Variants in CEP43 observed in about 807,000 individuals in gnomAD.
CEP43 encodes the protein FGFR1 oncogene partner.
CEP43 carries 36 observed loss-of-function variants against 52.6 expected under a neutral mutation model. That is an observed-to-expected ratio of 0.68 (90% confidence interval 0.52 to 0.90). The LOEUF is 0.90. Ranked by LOEUF, CEP43 falls within the 40% of genes least tolerant of loss-of-function variation. The pLI is 0.00. For missense variants in CEP43, 506 were observed against 472.8 expected (o/e 1.07, Z -0.65); for synonymous variants, 192 against 172.4 (o/e 1.11, Z -0.89).
In CEP43 at chr6:167,000,108, G is replaced by A. The variant is rs1779699055; in HGVS notation, c.151G>A (p.Val51Ile). The change falls in exon 2 of 13, where the codon GTA becomes ATA. Residue 51 changes from valine to isoleucine, a missense_variant. Coordinates refer to ENST00000366847, the MANE Select transcript of CEP43 (RefSeq NM_007045.4). ...VFLALEEQEK[V>I]ENKTPLVNES... Reference sequence around the variant, plus strand: ...TTTAGCACTAGAGGAGCAAGAAAAAGTAGAGGTATGAAGTTTCCAGATTTT... The same window carrying A: ...TTTAGCACTAGAGGAGCAAGAAAAAATAGAGGTATGAAGTTTCCAGATTTT... 1.2e-6 allele frequency: 2 copies of A among 1,611,268 alleles called. No homozygotes were observed. The highest frequency in any genetic ancestry group is 1.3e-5 in the African/African-American group (1 of 74,820).
intron 3 of CEP43, chr6:167,003,481 A>T: frequency 1.9e-6 from 1 of 513,986 alleles, no homozygotes; most frequent in Non-Finnish European, 3.4e-6. Context: ...ACCATTAAAA[A>T]GCGAAACACT....
intron 10 of CEP43, chr6:167,027,822 TA>T: frequency 1.0e-6 from 1 of 973,128 alleles, no homozygotes; most frequent in Non-Finnish European, 1.2e-6. Context: ...AGGTGCCTAG[TA>T]AATGTTAGTT....
intron 1 of CEP43, 106 bp downstream of exon 1, chr6:166,999,620 G>A (rs1277302055): frequency 2.5e-6 from 2 of 811,206 alleles, no homozygotes; most frequent in Non-Finnish European, 3.5e-6. Flanking sequence ...GCGAGGGACC[G>A]GGGCCGGCGG....
At chr6:167,016,711 C>A (rs949465380) in intron 7 of CEP43, among the ~76,000 whole-genome samples, 2 of 152,184 alleles carry the variant, frequency 1.3e-5, no homozygotes, top group African/African-American at 4.8e-5. Context: ...CTCACACCAT[C>A]CTGAATGAAT....
chr6:167,042,399 A>G lies in CEP43; in HGVS notation c.*2421A>G, dbSNP rs1231891578. ...TGATAACTACAAATGAATAAAAAGC[A>G]TTTATTCTCTTTGTTGATATTCGGT... On this transcript the variant is annotated 3_prime_UTR_variant, in exon 13 of 13. Transcript: ENST00000366847. 5 of 966,464 alleles carry G rather than the reference A, an allele frequency of 5.2e-6. No individual in the cohort carries two copies. Among genetic ancestry groups the G allele is most frequent in the Non-Finnish European group, 5.0e-6 (4 of 808,002 alleles). 59.9% of individuals were successfully genotyped at this position (966,464 alleles called of 1,614,324 possible).
chr6:167,039,014 T>C (rs1216618075), intron 12 of CEP43, among the ~76,000 whole-genome samples: 6 of 152,222 alleles, frequency 3.9e-5, no homozygotes, highest in Non-Finnish European at 1.5e-5. Flanking sequence ...TGCATCCTCA[T>C]AACTTAGCTC....
chr6:167,029,845 G>A (rs1394926242), intron 10 of CEP43, among the ~76,000 whole-genome samples: 1 of 152,208 alleles, frequency 6.6e-6, no homozygotes, highest in Non-Finnish European at 1.5e-5. Context: ...GATAGGTGGT[G>A]GAGTTAAGAG....
chr6:166,999,994 A>C lies in CEP43; in HGVS notation c.103-66A>C, dbSNP rs78127493. 4.2e-3 allele frequency: 5,877 copies of C among 1,393,396 alleles called. 176 individuals are homozygous for C. In the African/African-American group the frequency reaches 0.07, roughly 17 times the overall value. 86.3% of individuals were successfully genotyped at this position (1,393,396 alleles called of 1,614,324 possible). On this transcript the variant is annotated intron_variant, in intron 1 of 12. Transcript: ENST00000366847. ...GGCTTGCTCGTGTTTGTTGCTGGAT[A>C]AATGTGAGCTTGTTGTGAAAATTGT...
Position 167,000,051 on chromosome 6 carries a change from T to A in CEP43, c.103-9T>A, listed in dbSNP as rs12212247. ...ATTATAATTTCCTGTTTCTTAACTT[T>A]TTTTTAAGGCTGAACTCCGAGCAGC... is the stretch of plus-strand genomic sequence containing the variant. On this transcript the variant is annotated splice_polypyrimidine_tract_variant and intron_variant, in intron 1 of 12. Transcript: ENST00000366847. The A allele has an allele frequency of 6.2e-7, 1 of 1,606,710 alleles. No homozygotes were observed. Among genetic ancestry groups the A allele is most frequent in the Non-Finnish European group, 8.5e-7 (1 of 1,174,364 alleles).
chr6:166,999,750 C>T (rs1051811540), intron 1 of CEP43: 3 of 514,790 alleles, frequency 5.8e-6, no homozygotes, highest in African/African-American at 2.0e-5. Flanking sequence ...CCATCCCCTG[C>T]CTCATTCCGT....
chr6:167,004,321 G>C lies in CEP43; in HGVS notation c.358G>C (p.Glu120Gln). ...LARDLGIIEA[E>Q]GTVGGPLLLE... ...CCGAGATTTAGGTATAATTGAAGCA[G>C]AAGGTACTGTGGGTGGACCCTTATT... Residue 120 changes from glutamate (E) to glutamine (Q), a missense_variant, in exon 5 of 13, where the codon GAA (glutamate) becomes CAA (glutamine). Glu to Gln is a conservative substitution (Grantham distance 29, BLOSUM62 2). Transcript: ENST00000366847. The C allele has an allele frequency of 6.2e-7, 1 of 1,611,464 alleles. No individual in the cohort carries two copies. Among genetic ancestry groups the C allele is most frequent in the South Asian group, 1.1e-5 (1 of 90,674 alleles).
At position 167,041,837 on chromosome 6, in the gene CEP43, CGGG is replaced by C; in HGVS notation, c.*1864_*1866del. Reference sequence around the variant, plus strand: ...ACATACATCTTTTTTTTGCGGGGGGCGGGGGGGACAGAGTCTCACTGTGTCACT... The same window carrying C: ...ACATACATCTTTTTTTTGCGGGGGGCGGGGACAGAGTCTCACTGTGTCACT... On this transcript the variant is annotated 3_prime_UTR_variant, in exon 13 of 13. Coordinates refer to ENST00000366847, the MANE Select transcript of CEP43 (RefSeq NM_007045.4). The C allele has an allele frequency of 2.6e-5, 1 of 39,124 alleles. No homozygotes were observed. The highest frequency in any genetic ancestry group is 3.6e-5 in the Non-Finnish European group (1 of 27,494). The allele number at this position is 39,124 out of a possible 1,614,324, so 2.4% of individuals were successfully genotyped here.
intron 7 of CEP43, 112 bp from the exon 8 acceptor site, chr6:167,022,283 CACACACACACACAA>C: frequency 1.5e-6 from 1 of 648,274 alleles, no homozygotes. Flanking sequence ...CACACACACA[CACACACACACACAA>C]AGGTTGCACA....
intron 7 of CEP43, among the ~76,000 whole-genome samples, chr6:167,015,370 T>C (rs1054282830): frequency 6.6e-6 from 1 of 152,258 alleles, no homozygotes; most frequent in African/African-American, 2.4e-5. Flanking sequence ...CTTAGCTCTT[T>C]GTTCCCCTGC....
rs1199040622 is a variant in CEP43 at position 167,042,742 on chromosome 6, C to T, written c.*2764C>T. 3.3e-5 allele frequency: 5 copies of T among 151,998 alleles called. No individual in the cohort carries two copies. The highest frequency in any genetic ancestry group is 5.9e-5 in the Non-Finnish European group (4 of 68,364). 9.4% of individuals were successfully genotyped at this position (151,998 alleles called of 1,614,324 possible). A position where few individuals can be genotyped will look rare whatever the true frequency, so the allele number is the denominator to read the frequency against. On this transcript the variant is annotated 3_prime_UTR_variant, in exon 13 of 13. Coordinates refer to ENST00000366847, the MANE Select transcript of CEP43 (RefSeq NM_007045.4). ...GGAGATGTCCATTCTCCTCCCTGTCCCTGCCCCACCACTTGCATTTACCCC... is the reference window on the plus strand; with the variant it reads ...GGAGATGTCCATTCTCCTCCCTGTCTCTGCCCCACCACTTGCATTTACCCC...
In CEP43 at chr6:167,050,425, C is replaced by T. The variant is rs1780854308; in HGVS notation, c.*10447C>T. The T allele has an allele frequency of 6.6e-6, 1 of 152,124 alleles. No individual in the cohort carries two copies. The highest frequency in any genetic ancestry group is 1.5e-5 in the Non-Finnish European group (1 of 68,022). The allele number at this position is 152,124 out of a possible 1,614,324, so 9.4% of individuals were successfully genotyped here. A position where few individuals can be genotyped will look rare whatever the true frequency, so the allele number is the denominator to read the frequency against. On this transcript the variant is annotated 3_prime_UTR_variant, in exon 13 of 13. Coordinates refer to ENST00000366847, the MANE Select transcript of CEP43 (RefSeq NM_007045.4). ...TGTTTTTTAGGTCTTGTTATTGTGTCGTTCACGTCTTTTATTTCCTTGTTG... is the reference window on the plus strand; with the variant it reads ...TGTTTTTTAGGTCTTGTTATTGTGTTGTTCACGTCTTTTATTTCCTTGTTG...
intron 7 of CEP43, among the ~76,000 whole-genome samples, chr6:167,014,094 C>T (rs985238742): frequency 5.3e-5 from 8 of 152,206 alleles, no homozygotes; most frequent in African/African-American, 9.6e-5. Context: ...TTGAAAATTC[C>T]TGTTGTGTTG....
At chr6:167,028,808 T>C (rs193055025) in intron 10 of CEP43, among the ~76,000 whole-genome samples, 292 of 152,324 alleles carry the variant, frequency 1.9e-3, no homozygotes, top group African/African-American at 6.3e-3. Flanking sequence ...CTGTATGTTA[T>C]TTAGACATAT....
In CEP43 at chr6:167,049,158, G is replaced by T; in HGVS notation, c.*9180G>T. The T allele has an allele frequency of 1.3e-5, 2 of 152,318 alleles. No individual in the cohort carries two copies. Among genetic ancestry groups the T allele is most frequent in the South Asian group, 4.1e-4 (2 of 4,826 alleles). 9.4% of individuals were successfully genotyped at this position (152,318 alleles called of 1,614,324 possible). On this transcript the variant is annotated 3_prime_UTR_variant, in exon 13 of 13. Coordinates refer to ENST00000366847, the MANE Select transcript of CEP43 (RefSeq NM_007045.4). ...ATCTTAGTTTTCTGGATTTTGTGAC[G>T]TTTGTGGTATTTGTCAGATTTTTAA...
Sources: gnomAD v4.1 joint callset for allele counts (sites outside exome capture counted in the v4.1 genomes callset) on GRCh38, gnomAD v4.1.1 for gene constraint, MANE v1.5 for transcripts, NCBI Gene and HGNC (gene_info 2026-07-23, HGNC 2026-07-21) for gene names.